Variants in IKBKB-DT observed in about 807,000 individuals in gnomAD.
IKBKB-DT encodes the protein IKBKB antisense RNA.
intron 3 of IKBKB-DT, among the ~76,000 whole-genome samples, chr8:42,242,341 T>C (rs942674216): frequency 6.6e-6 from 1 of 152,204 alleles, no homozygotes; most frequent in Non-Finnish European, 1.5e-5. Context: ...GGATTTTGAA[T>C]AGAACTAATA....
chr8:42,239,971 A>G (rs547436896), intron 3 of IKBKB-DT, among the ~76,000 whole-genome samples: 1 of 152,242 alleles, frequency 6.6e-6, no homozygotes, highest in Non-Finnish European at 1.5e-5. Context: ...TATAAATACA[A>G]GATTGTAAAC....
intron 3 of IKBKB-DT, among the ~76,000 whole-genome samples, chr8:42,257,732 G>A (rs562604906): frequency 2.6e-5 from 4 of 152,054 alleles, no homozygotes; most frequent in South Asian, 2.1e-4. Flanking sequence ...CCACGAGTTC[G>A]ACATCAGCCT....
chr8:42,243,394 G>T (rs1487312923), intron 3 of IKBKB-DT, among the ~76,000 whole-genome samples: 1 of 152,126 alleles, frequency 6.6e-6, no homozygotes, highest in Admixed American at 6.6e-5. Context: ...GTGGGGAAAA[G>T]GAGGAAAAAG....
At chr8:42,236,875 A>AATTTT (rs545952112) in intron 3 of IKBKB-DT, among the ~76,000 whole-genome samples, 82 of 152,260 alleles carry the variant, frequency 5.4e-4, no homozygotes, top group African/African-American at 1.9e-3. Context: ...AATATTTCAA[A>AATTTT]ATTTTAATTT....
At chr8:42,264,292 G>A (rs866187120) in intron 2 of IKBKB-DT, among the ~76,000 whole-genome samples, 18 of 151,858 alleles carry the variant, frequency 1.2e-4, no homozygotes, top group Non-Finnish European at 2.5e-4. Flanking sequence ...CAGTAGCTGG[G>A]ACTACAGGCA....
At chr8:42,249,333 C>T (rs1378528010) in intron 3 of IKBKB-DT, 7 of 151,920 alleles carry the variant, frequency 4.6e-5, no homozygotes, top group Admixed American at 4.6e-4. Context: ...TGTGCCACTG[C>T]ACTCCAGCCT....
At chr8:42,237,540 G>T (rs1027328426) in intron 3 of IKBKB-DT, among the ~76,000 whole-genome samples, 10 of 152,070 alleles carry the variant, frequency 6.6e-5, no homozygotes, top group African/African-American at 2.4e-4. Flanking sequence ...TGGTCAAGAG[G>T]GGGGCCCTTT....
chr8:42,250,330 A>C (rs188551616), intron 3 of IKBKB-DT, among the ~76,000 whole-genome samples: 1 of 152,312 alleles, frequency 6.6e-6, no homozygotes, highest in Non-Finnish European at 1.5e-5. Flanking sequence ...AAAAAACCTG[A>C]AAAGACATCT....
chr8:42,258,952 C>T (rs1411329080), intron 3 of IKBKB-DT, among the ~76,000 whole-genome samples: 1 of 152,208 alleles, frequency 6.6e-6, no homozygotes, highest in African/African-American at 2.4e-5. Flanking sequence ...ATTCTGTAGA[C>T]AGGCAAGTCT....
chr8:42,266,023 C>T (rs1277911386), exon 2 of IKBKB-DT: 1 of 152,320 alleles, frequency 6.6e-6, no homozygotes, highest in Non-Finnish European at 1.5e-5. Context: ...TCCACCAGCC[C>T]ACCCTCATCT....
rs557231175 is a variant in IKBKB-DT at position 42,235,371 on chromosome 8, A to AT, written n.1530-1513dup. ...AGGTGTACACCACCACGCCCAGCTA[A>AT]TTTTTTGTATTTTTACTAGAGTCAG... On this transcript the variant is annotated intron_variant and non_coding_transcript_variant, in intron 3 of 3. Coordinates refer to ENST00000518213, the Ensembl canonical transcript of IKBKB-DT. 3.9e-3 allele frequency among the ~76,000 whole-genome samples: 590 copies of AT among 151,644 alleles called. 2 individuals are homozygous for AT. Among genetic ancestry groups the AT allele is most frequent in the African/African-American group, 0.014 (570 of 41,356 alleles).
chr8:42,245,145 C>T, intron 3 of IKBKB-DT, among the ~76,000 whole-genome samples: 1 of 152,044 alleles, frequency 6.6e-6, no homozygotes, highest in East Asian at 1.9e-4. Context: ...GTCCCAGCTA[C>T]TCAGGAGGCT....
Position 42,268,254 on chromosome 8 carries a change from C to T in IKBKB-DT, n.604-1858G>A, listed in dbSNP as rs561812425. On this transcript the variant is annotated intron_variant and non_coding_transcript_variant, in intron 1 of 3. Transcript: ENST00000518213. ...GGTTCAAGCGATTCTCCTGCCTCAG[C>T]CTCCCGAGTAGCTTGGATTACAGGC... Among the ~76,000 whole-genome samples, 126 of 151,798 alleles carry T rather than the reference C, an allele frequency of 8.3e-4. No individual in the cohort carries two copies. In the East Asian group the frequency reaches 0.023, roughly 28 times the overall value.
chr8:42,243,880 T>G (rs898587510), intron 3 of IKBKB-DT, among the ~76,000 whole-genome samples: 6 of 152,228 alleles, frequency 3.9e-5, no homozygotes, highest in African/African-American at 1.4e-4. Context: ...GTCTAGAATT[T>G]TGTTCATACT....
chr8:42,267,208 G>C (rs1258412671), intron 1 of IKBKB-DT, among the ~76,000 whole-genome samples: 1 of 151,872 alleles, frequency 6.6e-6, no homozygotes, highest in Non-Finnish European at 1.5e-5. Context: ...GTTTCACCGT[G>C]TTAGCCAGGA....
chr8:42,245,994 T>A (rs1022353646), intron 3 of IKBKB-DT, among the ~76,000 whole-genome samples: 1 of 152,204 alleles, frequency 6.6e-6, no homozygotes, highest in Non-Finnish European at 1.5e-5. Flanking sequence ...ATCCTGCTGT[T>A]AAAAAGAATA....
At chr8:42,258,756 C>A (rs888027387) in intron 3 of IKBKB-DT, among the ~76,000 whole-genome samples, 12 of 152,160 alleles carry the variant, frequency 7.9e-5, no homozygotes, top group African/African-American at 2.9e-4. Flanking sequence ...ACTTGAGCCA[C>A]CGCGCCCAGC....
At chr8:42,261,995 C>T (rs1229444940) in intron 3 of IKBKB-DT, among the ~76,000 whole-genome samples, 1 of 152,186 alleles carries the variant, frequency 6.6e-6, no homozygotes, top group Non-Finnish European at 1.5e-5. Context: ...CAAAAGGAGA[C>T]AAACAGGAAA....
At chr8:42,235,163 T>C (rs561595700) in intron 3 of IKBKB-DT, among the ~76,000 whole-genome samples, 19 of 151,364 alleles carry the variant, frequency 1.3e-4, no homozygotes, top group African/African-American at 4.4e-4. Context: ...TTTTTCTAAC[T>C]CTTTTTACTG....
Sources: allele counts gnomAD v4.1 joint callset (sites outside exome capture counted in the v4.1 genomes callset), GRCh38; gene constraint gnomAD v4.1.1; transcripts MANE v1.5; gene names NCBI Gene and HGNC (gene_info 2026-07-23, HGNC 2026-07-21).